Variants in RALB observed in about 807,000 individuals in gnomAD.
The protein encoded by RALB is ras-related protein Ral-B.
RALB carries 16 observed loss-of-function variants against 21.3 expected under a neutral mutation model. The observed-to-expected ratio is 0.75, with a 90% CI of 0.51 to 1.14. RALB has a LOEUF of 1.14. Among genes scored for constraint, RALB ranks in the 50% most tolerant of loss-of-function variants. RALB has a pLI of 0.00. For synonymous variants in RALB, 93 were observed against 96.1 expected (o/e 0.97, Z 0.19); for missense variants, 161 against 256.2 (o/e 0.63, Z 2.54).
rs569762738 is a variant in RALB, at chr2:120,266,866, G to A, written c.-47-11752G>A. Among the ~76,000 whole-genome samples the A allele has an allele frequency of 2.6e-5, 4 of 152,308 alleles. No homozygotes were observed. In the South Asian group the frequency reaches 6.2e-4, roughly 24 times the overall value. ...ACACTGGGCACACAAAGATGAATGG[G>A]CTTGAAGTTTGGTGGGACAAACAGA... On this transcript the variant is annotated intron_variant, in intron 1 of 4. Coordinates refer to ENST00000272519, the MANE Select transcript of RALB (RefSeq NM_002881.3).
In RALB at chr2:120,289,706, G is replaced by C. The variant is rs1170388506; in HGVS notation, c.450G>C (p.Trp150Cys). The C allele has an allele frequency of 1.9e-6, 3 of 1,614,190 alleles. No homozygotes were observed. In the South Asian group the frequency reaches 3.3e-5, roughly 18 times the overall value. ...AGGCCAGGAGTAAAGCCGAAGAGTGGGGCGTGCAGTACGTGGAGACGTCAG... is the reference window on the plus strand; with the variant it reads ...AGGCCAGGAGTAAAGCCGAAGAGTGCGGCGTGCAGTACGTGGAGACGTCAG... ...VEEARSKAEEWGVQYVETSAK... is the reference protein window; with the variant it reads ...VEEARSKAEECGVQYVETSAK... Residue 150 changes from tryptophan (W) to cysteine (C), a missense_variant, in exon 4 of 5, where the codon TGG becomes TGC. Trp to Cys is a radical substitution (Grantham distance 215). Transcript: ENST00000272519.
At chr2:120,278,470 G>T in intron 1 of RALB, 148 bp from the exon 2 acceptor site, 1 of 711,668 alleles carries the variant, frequency 1.4e-6, no homozygotes, top group South Asian at 2.7e-5. Flanking sequence ...TTGTTGGAGG[G>T]CTCGCATGTC....
chr2:120,292,491 G>A lies in RALB; in HGVS notation c.502-650G>A, dbSNP rs538398422. On this transcript the variant is annotated intron_variant, in intron 4 of 4. Transcript: ENST00000272519. ...GCAGGGGTGTCAAGAGCACCTGGGA[G>A]CAGGGACTCATTATGGCATTCTTCC... 3.9e-5 allele frequency among the ~76,000 whole-genome samples: 6 copies of A among 152,312 alleles called. No homozygotes were observed. The East Asian group carries it at 9.6e-4, about 24-fold the overall frequency.
chr2:120,268,241 G>A (rs886648203), intron 1 of RALB, among the ~76,000 whole-genome samples: 5 of 152,196 alleles, frequency 3.3e-5, no homozygotes, highest in Non-Finnish European at 7.3e-5. Flanking sequence ...AGAATCACAG[G>A]GATGGTCTGG....
chr2:120,264,421 G>C (rs1028558760), intron 1 of RALB, among the ~76,000 whole-genome samples: 68 of 152,220 alleles, frequency 4.5e-4, no homozygotes, highest in Non-Finnish European at 6.9e-4. Flanking sequence ...CAAAGTGCTG[G>C]GATTACAGGC....
At chr2:120,255,814 G>C (rs955261558) in intron 1 of RALB, among the ~76,000 whole-genome samples, 6 of 152,082 alleles carry the variant, frequency 3.9e-5, no homozygotes, top group African/African-American at 1.4e-4. Context: ...TTTTTTAGTT[G>C]AAATCTAAAT....
intron 1 of RALB, among the ~76,000 whole-genome samples, chr2:120,260,386 G>A (rs1689332376): frequency 6.6e-6 from 1 of 152,256 alleles, no homozygotes; most frequent in Non-Finnish European, 1.5e-5. Context: ...GAAGAATCAA[G>A]AATTCTATTT....
chr2:120,261,647 T>G (rs1011641975), intron 1 of RALB, among the ~76,000 whole-genome samples: 11 of 152,256 alleles, frequency 7.2e-5, no homozygotes, highest in Admixed American at 6.5e-4. Context: ...GCATGCTGGG[T>G]GCAGGTGCTG....
At chr2:120,286,594 G>T (rs944871290) in intron 3 of RALB, among the ~76,000 whole-genome samples, 1 of 152,206 alleles carries the variant, frequency 6.6e-6, no homozygotes, top group Non-Finnish European at 1.5e-5. Context: ...CAGGAGACCT[G>T]GTTTGAATCC....
At chr2:120,279,654 G>A (rs183233327) in intron 2 of RALB, among the ~76,000 whole-genome samples, 1 of 152,124 alleles carries the variant, frequency 6.6e-6, no homozygotes, top group African/African-American at 2.4e-5. Context: ...TTTGGTGGGG[G>A]TCATGGAACC....
chr2:120,244,845 C>A lies in RALB; in HGVS notation c.19+4720C>A, dbSNP rs538476749. Among the ~76,000 whole-genome samples the A allele has an allele frequency of 1.6e-4, 25 of 152,294 alleles. 1 individual carries two copies. Among genetic ancestry groups the A allele is most frequent in the Middle Eastern group, 6.8e-3 (2 of 294 alleles). On this transcript the variant is annotated intron_variant, in intron 1 of 3. Transcript: ENST00000447591. ...TGGGGAGAGATTGTCCAGAGGCAAC[C>A]TTTAGACACCAGCCACTCTAGGAAA...
intron 3 of RALB, among the ~76,000 whole-genome samples, chr2:120,287,135 G>C (rs1690184907): frequency 6.6e-6 from 1 of 152,120 alleles, no homozygotes; most frequent in African/African-American, 2.4e-5. Context: ...AGCAAGTTCT[G>C]GTCTGACAGT....
chr2:120,265,186 T>C (rs956571085), intron 1 of RALB, among the ~76,000 whole-genome samples: 2 of 152,246 alleles, frequency 1.3e-5, no homozygotes, highest in African/African-American at 4.8e-5. Context: ...CGTCGGGGTA[T>C]ACTTACACAA....
upstream of RALB, among the ~76,000 whole-genome samples, chr2:120,251,069 C>T (rs1689044918): frequency 6.6e-6 from 1 of 152,206 alleles, no homozygotes; most frequent in African/African-American, 2.4e-5. Context: ...GGGAAACCTC[C>T]TGCATCTGCT....
intron 1 of RALB, among the ~76,000 whole-genome samples, chr2:120,246,792 T>A (rs1214322308): frequency 6.6e-6 from 1 of 151,996 alleles, no homozygotes; most frequent in African/African-American, 2.4e-5. Context: ...TCACGGGGAC[T>A]GTGAGGGAGA....
chr2:120,281,150 G>C (rs1689981699), intron 2 of RALB, among the ~76,000 whole-genome samples: 1 of 152,186 alleles, frequency 6.6e-6, no homozygotes, highest in Non-Finnish European at 1.5e-5. Context: ...CCTCTTCTGA[G>C]GCGTGGGGGT....
intron 1 of RALB, among the ~76,000 whole-genome samples, chr2:120,264,827 T>G (rs1268614804): frequency 6.6e-6 from 1 of 152,212 alleles, no homozygotes; most frequent in Non-Finnish European, 1.5e-5. Context: ...GTGATTGTTT[T>G]GGGTACCTCA....
At chr2:120,264,205 T>C (rs10198758) in intron 1 of RALB, among the ~76,000 whole-genome samples, 105,794 of 151,584 alleles carry the variant, frequency 0.7, 37,472 homozygotes, top group Middle Eastern at 0.8. Context: ...GGCTGGAGTG[T>C]AGTGGTGTGA....
upstream of RALB, among the ~76,000 whole-genome samples, chr2:120,249,370 G>C (rs1441207271): frequency 1.3e-5 from 2 of 152,278 alleles, no homozygotes; most frequent in East Asian, 3.9e-4. Flanking sequence ...AGAAATACCT[G>C]AGACTGGGTA....
Sources: gnomAD v4.1 joint callset for allele counts (sites outside exome capture counted in the v4.1 genomes callset) on GRCh38, gnomAD v4.1.1 for gene constraint, MANE v1.5 for transcripts, NCBI Gene and HGNC (gene_info 2026-07-23, HGNC 2026-07-21) for gene names.